Variants in LUZP2 observed in about 807,000 individuals in gnomAD.
The protein encoded by LUZP2 is leucine zipper protein 2.
Under a neutral mutation model 51.6 loss-of-function variants are expected in LUZP2, and 52 were observed. The observed-to-expected ratio is 1.01, with a 90% CI of 0.81 to 1.27. LUZP2 has a LOEUF of 1.27. LUZP2 is among the 50% of genes most tolerant of loss of function. The pLI is 0.00. For missense variants in LUZP2, 436 were observed against 395.4 expected (o/e 1.10, Z -0.87); for synonymous variants, 154 against 137.3 (o/e 1.12, Z -0.85).
chr11:24,579,876 TC>T (rs1852788968), intron 1 of LUZP2, among the ~76,000 whole-genome samples: 1 of 152,234 alleles, frequency 6.6e-6, no homozygotes, highest in Admixed American at 6.5e-5. Flanking sequence ...ACTGTCTTTA[TC>T]CCAGAAACTG....
chr11:24,836,540 C>T (rs1850864329), intron 5 of LUZP2, among the ~76,000 whole-genome samples: 1 of 151,796 alleles, frequency 6.6e-6, no homozygotes. Flanking sequence ...AAATCAAAAT[C>T]ATGTGCCATT....
intron 1 of LUZP2, among the ~76,000 whole-genome samples, chr11:24,508,002 A>C (rs1011960936): frequency 6.6e-6 from 1 of 151,220 alleles, no homozygotes; most frequent in Non-Finnish European, 1.5e-5. Context: ...TTATAATAAT[A>C]TAAATGAATA....
chr11:24,527,550 A>C (rs1590139288), intron 1 of LUZP2, among the ~76,000 whole-genome samples: 1 of 140,082 alleles, frequency 7.1e-6, no homozygotes. Context: ...TTAAATAAGA[A>C]TCTCTCTCTC....
chr11:24,885,438 G>A (rs1852639021), intron 5 of LUZP2, among the ~76,000 whole-genome samples: 1 of 152,056 alleles, frequency 6.6e-6, no homozygotes, highest in Non-Finnish European at 1.5e-5. Flanking sequence ...GACTCAAGAT[G>A]TTACAAAATG....
At chr11:24,711,375 G>A (rs946670622) in intron 1 of LUZP2, among the ~76,000 whole-genome samples, 5 of 151,992 alleles carry the variant, frequency 3.3e-5, no homozygotes, top group Admixed American at 6.6e-5. Context: ...GCGTGAACCC[G>A]GGAGGCGGAG....
intron 1 of LUZP2, among the ~76,000 whole-genome samples, chr11:24,516,890 T>C (rs1248387751): frequency 6.6e-6 from 1 of 152,184 alleles, no homozygotes; most frequent in Admixed American, 6.5e-5. Flanking sequence ...TAAAATTTAG[T>C]TTCAACAGCT....
At chr11:24,531,437 C>T (rs750221528) in intron 1 of LUZP2, among the ~76,000 whole-genome samples, 25 of 150,762 alleles carry the variant, frequency 1.7e-4, no homozygotes, top group Non-Finnish European at 3.0e-4. Flanking sequence ...GTGTTGACAA[C>T]ATTCAAAATT....
intron 1 of LUZP2, among the ~76,000 whole-genome samples, chr11:24,657,146 T>C (rs993361188): frequency 1.1e-4 from 16 of 152,248 alleles, no homozygotes; most frequent in African/African-American, 3.9e-4. Flanking sequence ...GCAAGAAACC[T>C]ACTTAGAAGG....
intron 10 of LUZP2, among the ~76,000 whole-genome samples, chr11:25,064,161 T>C (rs1390523919): frequency 6.8e-6 from 1 of 146,530 alleles, no homozygotes; most frequent in Non-Finnish European, 1.6e-5. Context: ...GTTTATTTTA[T>C]TGTTTCTTAT....
At chr11:24,879,499 A>T (rs1852384788) in intron 5 of LUZP2, among the ~76,000 whole-genome samples, 1 of 152,160 alleles carries the variant, frequency 6.6e-6, no homozygotes, top group African/African-American at 2.4e-5. Context: ...GCCACATTGA[A>T]TTCCACAATA....
chr11:24,977,475 A>G (rs996225158), intron 8 of LUZP2, among the ~76,000 whole-genome samples: 1 of 151,634 alleles, frequency 6.6e-6, no homozygotes, highest in Non-Finnish European at 1.5e-5. Context: ...GCGTTTGGGG[A>G]AAAACAGTAA....
intron 4 of LUZP2, among the ~76,000 whole-genome samples, chr11:24,741,941 A>G (rs34363741): frequency 0.13 from 15,519 of 121,562 alleles, 1,177 homozygotes; most frequent in Non-Finnish European, 0.16. Context: ...ATATATAAAT[A>G]TATACATTTA....
At position 24,689,940 on chromosome 11, in the gene LUZP2, AG is replaced by A. The variant is rs149915962; in HGVS notation, c.63-39226del. 3.6e-3 allele frequency among the ~76,000 whole-genome samples: 554 copies of A among 152,256 alleles called. 5 individuals carry two copies. Among genetic ancestry groups the A allele is most frequent in the African/African-American group, 0.013 (534 of 41,560 alleles). On this transcript the variant is annotated intron_variant, in intron 1 of 11. Transcript: ENST00000336930. ...CAGAATTTTATAAACTGTAAAAATA[AG>A]GGTAGTGAGGATTCTTAGAGAATAT...
intron 3 of LUZP2, among the ~76,000 whole-genome samples, chr11:24,733,673 T>C (rs1858810424): frequency 6.6e-6 from 1 of 151,400 alleles, no homozygotes; most frequent in South Asian, 2.1e-4. Context: ...TAAATTTCAG[T>C]TGGTAAAGAG....
intron 1 of LUZP2, among the ~76,000 whole-genome samples, chr11:24,565,772 CAAAAGTAAACAA>C (rs1300017153): frequency 6.6e-6 from 1 of 151,918 alleles, no homozygotes; most frequent in Non-Finnish European, 1.5e-5. Context: ...TACCACAAAC[CAAAAGTAAACAA>C]AAAAGTAAAC....
At chr11:25,008,422 G>C (rs1856894222) in intron 9 of LUZP2, among the ~76,000 whole-genome samples, 1 of 152,168 alleles carries the variant, frequency 6.6e-6, no homozygotes, top group Non-Finnish European at 1.5e-5. Flanking sequence ...AGGGGGAATT[G>C]AGGGGGCGTG....
At chr11:24,905,476 T>G (rs895496618) in intron 5 of LUZP2, among the ~76,000 whole-genome samples, 3 of 151,986 alleles carry the variant, frequency 2.0e-5, no homozygotes, top group Non-Finnish European at 1.5e-5. Flanking sequence ...TGCAGGGAGC[T>G]GAGATCATAC....
intron 9 of LUZP2, among the ~76,000 whole-genome samples, chr11:25,036,124 T>C (rs1227225462): frequency 6.6e-6 from 1 of 152,142 alleles, no homozygotes; most frequent in Non-Finnish European, 1.5e-5. Flanking sequence ...AGATTCTTTA[T>C]TGCTGATTCA....
intron 8 of LUZP2, among the ~76,000 whole-genome samples, chr11:24,977,731 A>G (rs1321355970): frequency 6.6e-6 from 1 of 151,596 alleles, no homozygotes; most frequent in Non-Finnish European, 1.5e-5. Context: ...TGCCCATAAT[A>G]TGTATGTATA....
Sources: gnomAD v4.1 joint callset for allele counts (sites outside exome capture counted in the v4.1 genomes callset) on GRCh38, gnomAD v4.1.1 for gene constraint, MANE v1.5 for transcripts, NCBI Gene and HGNC (gene_info 2026-07-23, HGNC 2026-07-21) for gene names.